Variants in ATP6V1A observed in about 807,000 individuals in gnomAD.
ATP6V1A encodes the protein V-type proton ATPase catalytic subunit A.
Under a neutral mutation model 70.1 loss-of-function variants are expected in ATP6V1A, and 18 were observed. The ratio of observed to expected loss-of-function variants is 0.26; its 90% confidence interval spans 0.18 to 0.38. The LOEUF is 0.38. Among genes scored for constraint, ATP6V1A ranks in the 10% least tolerant of loss-of-function variants. ATP6V1A has a pLI of 1.00. For synonymous variants in ATP6V1A, 232 were observed against 253.8 expected (o/e 0.91, Z 0.82); for missense variants, 424 against 772.4 (o/e 0.55, Z 5.35).
intron 5 of ATP6V1A, among the ~76,000 whole-genome samples, chr3:113,785,301 G>C (rs564603737): frequency 6.6e-6 from 1 of 151,920 alleles, no homozygotes; most frequent in Non-Finnish European, 1.5e-5. Flanking sequence ...TTAGCCAGGC[G>C]TGGTGGCGCA....
intron 8 of ATP6V1A, among the ~76,000 whole-genome samples, chr3:113,791,335 CTTCTT>C (rs942222503): frequency 6.7e-6 from 1 of 148,608 alleles, no homozygotes; most frequent in African/African-American, 2.5e-5. Context: ...TCAAGTATCT[CTTCTT>C]ATCTTACTCC....
intron 14 of ATP6V1A, among the ~76,000 whole-genome samples, chr3:113,807,964 C>G (rs1054423080): frequency 3.3e-5 from 5 of 151,836 alleles, no homozygotes; most frequent in Non-Finnish European, 7.4e-5. Flanking sequence ...AACCCCGTCT[C>G]TACTAAAAAT....
intron 1 of ATP6V1A, among the ~76,000 whole-genome samples, chr3:113,763,312 C>A (rs1295370914): frequency 6.6e-6 from 1 of 152,188 alleles, no homozygotes; most frequent in Non-Finnish European, 1.5e-5. Context: ...TGGTCTCGAT[C>A]TCCTGACCTC....
chr3:113,791,154 A>G (rs1335777528), intron 8 of ATP6V1A, among the ~76,000 whole-genome samples: 1 of 152,130 alleles, frequency 6.6e-6, no homozygotes, highest in East Asian at 1.9e-4. Context: ...GTCTTCTTCA[A>G]ATATACCAAC....
intron 10 of ATP6V1A, 74 bp from the exon 11 acceptor site, chr3:113,795,800 TTA>T (rs947990625): frequency 7.1e-6 from 8 of 1,124,918 alleles, no homozygotes; most frequent in Non-Finnish European, 2.5e-6. Context: ...AAGTTAACAT[TTA>T]TATATATGTT....
intron 3 of ATP6V1A, among the ~76,000 whole-genome samples, chr3:113,783,006 A>G (rs955172464): frequency 6.6e-6 from 1 of 152,194 alleles, no homozygotes; most frequent in Non-Finnish European, 1.5e-5. Flanking sequence ...CCTAGCTTGT[A>G]GAGACTGGGA....
Position 113,798,974 on chromosome 3 carries a change from C to T in ATP6V1A, c.1494+528C>T, listed in dbSNP as rs113003877. On this transcript the variant is annotated intron_variant, in intron 12 of 14. Coordinates refer to ENST00000273398, the MANE Select transcript of ATP6V1A (RefSeq NM_001690.4). ...TTTTTATTACATGTTACAAAGTCAT[C>T]TCCTAATTTATTCCAAAAAAGGTTA... 4.3e-3 allele frequency among the ~76,000 whole-genome samples: 650 copies of T among 152,278 alleles called. 5 individuals carry two copies. Among genetic ancestry groups the T allele is most frequent in the African/African-American group, 0.015 (614 of 41,554 alleles).
intron 1 of ATP6V1A, among the ~76,000 whole-genome samples, chr3:113,767,034 CAT>C (rs1204495015): frequency 6.8e-6 from 1 of 147,606 alleles, no homozygotes; most frequent in Non-Finnish European, 1.5e-5. Flanking sequence ...CTTTTTTTAA[CAT>C]AATGCCTGGA....
intron 12 of ATP6V1A, among the ~76,000 whole-genome samples, chr3:113,799,536 A>G (rs1709186553): frequency 2.0e-5 from 3 of 152,190 alleles, no homozygotes; most frequent in African/African-American, 7.2e-5. Context: ...GCCTAATCTC[A>G]TCACTGTGTT....
chr3:113,749,655 CA>C (rs1209440458), intron 1 of ATP6V1A, among the ~76,000 whole-genome samples: 1 of 152,112 alleles, frequency 6.6e-6, no homozygotes, highest in Non-Finnish European at 1.5e-5. Flanking sequence ...TCTTCCTCAG[CA>C]AATCATAAAG....
At chr3:113,803,777 A>G (rs1261688645) in intron 13 of ATP6V1A, 100 bp downstream of exon 13, 1 of 815,440 alleles carries the variant, frequency 1.2e-6, no homozygotes, top group Non-Finnish European at 2.0e-6. Flanking sequence ...ATACAGGCTC[A>G]TACACTCTGA....
intron 14 of ATP6V1A, among the ~76,000 whole-genome samples, chr3:113,808,947 A>T (rs1709309634): frequency 6.6e-6 from 1 of 152,120 alleles, no homozygotes; most frequent in Non-Finnish European, 1.5e-5. Context: ...TACTCAAAAT[A>T]TATAAAATAC....
At chr3:113,776,587 G>T (rs1708914406) in intron 1 of ATP6V1A, among the ~76,000 whole-genome samples, 1 of 152,140 alleles carries the variant, frequency 6.6e-6, no homozygotes, top group African/African-American at 2.4e-5. Flanking sequence ...TGACATTCAA[G>T]CCTTACGTAT....
At chr3:113,760,489 GA>G (rs1489098205) in intron 1 of ATP6V1A, among the ~76,000 whole-genome samples, 2 of 152,218 alleles carry the variant, frequency 1.3e-5, no homozygotes, top group Non-Finnish European at 2.9e-5. Context: ...AGCACTTTGG[GA>G]GGCCGAGGTG....
In ATP6V1A at chr3:113,788,794, T is replaced by C; in HGVS notation, c.798T>C (p.Tyr266=). 6.2e-7 allele frequency: 1 copy of C among 1,613,926 alleles called. No homozygotes were observed. The highest frequency in any genetic ancestry group is 8.5e-7 in the Non-Finnish European group (1 of 1,179,862). ...KTVISQSLSK[Y]SNSDVIIYVG... is the part of the protein sequence containing the mutation. ...TGATATCACAGTCTCTATCCAAGTA[T>C]TCTAACAGTGATGTAATCATCTATG... The change falls in exon 7 of 15, where the codon TAT becomes TAC. Residue 266 remains tyrosine, a synonymous_variant. Transcript: ENST00000273398.
rs1283708898 is a variant in ATP6V1A at position 113,798,404 on chromosome 3, GGAA to G, written c.1461_1463del (p.Glu487del). ...GGACGAAAGCTAAGGAAATTCTGCAGGAAGAAGAAGACCTGGCAGAAATTGTAC... is the reference window on the plus strand; with the variant it reads ...GGACGAAAGCTAAGGAAATTCTGCAGGAAGAAGACCTGGCAGAAATTGTAC... On this transcript the variant is annotated inframe_deletion, in exon 12 of 15. Coordinates refer to ENST00000273398, the MANE Select transcript of ATP6V1A (RefSeq NM_001690.4). The G allele has an allele frequency of 1.9e-6, 3 of 1,613,884 alleles. No homozygotes were observed. The highest frequency in any genetic ancestry group is 1.7e-6 in the Non-Finnish European group (2 of 1,179,892).
chr3:113,766,049 G>A (rs948909519), intron 1 of ATP6V1A, among the ~76,000 whole-genome samples: 2 of 151,958 alleles, frequency 1.3e-5, no homozygotes, highest in African/African-American at 4.8e-5. Flanking sequence ...TTGTGCTTGC[G>A]TTTTTACATA....
At chr3:113,779,727 TC>T (rs2108026119) in intron 2 of ATP6V1A, among the ~76,000 whole-genome samples, 1 of 152,294 alleles carries the variant, frequency 6.6e-6, no homozygotes, top group Admixed American at 6.5e-5. Flanking sequence ...ATAAGGGTCT[TC>T]AGGATGGACA....
intron 1 of ATP6V1A, among the ~76,000 whole-genome samples, chr3:113,754,360 A>G (rs1708623848): frequency 1.3e-5 from 2 of 152,054 alleles, no homozygotes; most frequent in African/African-American, 4.8e-5. Flanking sequence ...CCCCTCTACC[A>G]GTAAAAACTA....
Sources: gnomAD v4.1 joint callset for allele counts (sites outside exome capture counted in the v4.1 genomes callset) on GRCh38, gnomAD v4.1.1 for gene constraint, MANE v1.5 for transcripts, NCBI Gene and HGNC (gene_info 2026-07-23, HGNC 2026-07-21) for gene names.